The following JMJD1C variants were observed in gnomAD, a reference collection of about 807,000 sequenced individuals.
The protein encoded by JMJD1C is jumonji domain-containing protein 1C.
In JMJD1C, 31 loss-of-function variants were observed where a neutral mutation model predicts 245.3. The observed-to-expected ratio is 0.13, with a 90% CI of 0.09 to 0.17. JMJD1C has a LOEUF of 0.17. JMJD1C is among the 10% of genes least tolerant of loss of function. JMJD1C has a pLI of 1.00. For synonymous variants in JMJD1C, 1,057 were observed against 1,017.4 expected (o/e 1.04, Z -0.74); for missense variants, 2,691 against 3,000.2 (o/e 0.90, Z 2.41).
At chr10:63,373,838 A>C (rs1352190746) in intron 2 of JMJD1C, among the ~76,000 whole-genome samples, 1 of 152,214 alleles carries the variant, frequency 6.6e-6, no homozygotes, top group Non-Finnish European at 1.5e-5. Context: ...AAGAAGCCAA[A>C]TTTTAATGAA....
At chr10:63,461,496 G>T (rs1952797315) in intron 1 of JMJD1C, among the ~76,000 whole-genome samples, 1 of 151,734 alleles carries the variant, frequency 6.6e-6, no homozygotes, top group Admixed American at 6.6e-5. Flanking sequence ...AACAAAAAGG[G>T]GTTTTATTTA....
chr10:63,481,055 T>G (rs1953816029), intron 1 of JMJD1C, among the ~76,000 whole-genome samples: 1 of 152,230 alleles, frequency 6.6e-6, no homozygotes, highest in South Asian at 2.1e-4. Context: ...ATTATAAAAT[T>G]AGGCTAATCA....
chr10:63,384,058 G>A (rs1947409590), intron 1 of JMJD1C, among the ~76,000 whole-genome samples: 1 of 152,178 alleles, frequency 6.6e-6, no homozygotes, highest in Admixed American at 6.5e-5. Context: ...CAACGGTTAA[G>A]TAGTATTCAG....
chr10:63,365,627 A>C (rs1186056338), intron 2 of JMJD1C, among the ~76,000 whole-genome samples: 1 of 152,188 alleles, frequency 6.6e-6, no homozygotes, highest in Non-Finnish European at 1.5e-5. Flanking sequence ...TATTATGCTA[A>C]AGATGGACTA....
intron 3 of JMJD1C, among the ~76,000 whole-genome samples, chr10:63,220,536 C>T (rs1387819780): frequency 1.3e-5 from 2 of 152,214 alleles, no homozygotes; most frequent in East Asian, 3.8e-4. Context: ...AGCGCCAAAG[C>T]ATCCAGACAA....
chr10:63,248,529 G>GATAGATAGATTAAATAAATAA (rs566828473), intron 3 of JMJD1C, among the ~76,000 whole-genome samples: 7 of 137,010 alleles, frequency 5.1e-5, no homozygotes, highest in Admixed American at 4.5e-4. Flanking sequence ...TCAATAGATA[G>GATAGATAGATTAAATAAATAA]ATAAATAAAT....
intron 1 of JMJD1C, among the ~76,000 whole-genome samples, chr10:63,411,513 G>A (rs1949476468): frequency 6.6e-6 from 1 of 151,802 alleles, no homozygotes; most frequent in South Asian, 2.1e-4. Context: ...TGGTCAGGCT[G>A]GTCTCGAACT....
At chr10:63,457,710 G>C (rs1394300446) in intron 1 of JMJD1C, among the ~76,000 whole-genome samples, 1 of 152,158 alleles carries the variant, frequency 6.6e-6, no homozygotes, top group African/African-American at 2.4e-5. Context: ...GGGAATTTCG[G>C]GTTTTTACTT....
intron 2 of JMJD1C, among the ~76,000 whole-genome samples, chr10:63,352,793 G>A (rs947561261): frequency 6.6e-6 from 1 of 152,142 alleles, no homozygotes; most frequent in African/African-American, 2.4e-5. Flanking sequence ...AATAGAACAT[G>A]GATCAAAAAT....
At chr10:63,203,497 G>A in intron 10 of JMJD1C, 1 of 982,868 alleles carries the variant, frequency 1.0e-6, no homozygotes, top group Non-Finnish European at 1.2e-6. Context: ...ATATTTTTTT[G>A]GAGATAGAGA....
chr10:63,429,741 A>C (rs1005026259), intron 1 of JMJD1C, among the ~76,000 whole-genome samples: 6 of 152,340 alleles, frequency 3.9e-5, no homozygotes, highest in Middle Eastern at 3.4e-3. Flanking sequence ...CAAAAAGAAG[A>C]ATCATCACTA....
At chr10:63,390,631 A>G (rs1038578508) in intron 1 of JMJD1C, among the ~76,000 whole-genome samples, 5 of 152,208 alleles carry the variant, frequency 3.3e-5, no homozygotes, top group Non-Finnish European at 7.3e-5. Context: ...GAACATACAT[A>G]CAAAAATTCT....
At chr10:63,225,590 C>T (rs1849166879) in intron 3 of JMJD1C, among the ~76,000 whole-genome samples, 1 of 152,032 alleles carries the variant, frequency 6.6e-6, no homozygotes, top group Non-Finnish European at 1.5e-5. Flanking sequence ...TCGACCTGGC[C>T]AACATGGTGA....
intron 3 of JMJD1C, among the ~76,000 whole-genome samples, chr10:63,233,427 TAAC>T (rs1423407420): frequency 1.3e-5 from 2 of 152,058 alleles, no homozygotes; most frequent in Non-Finnish European, 2.9e-5. Context: ...ACTTCATGTC[TAAC>T]AACACCCAAA....
At chr10:63,168,267 G>T in intron 25 of JMJD1C, 133 bp from the exon 26 acceptor site, 4 of 987,378 alleles carry the variant, frequency 4.1e-6, no homozygotes, top group South Asian at 3.2e-5. Context: ...AAAGTGTTAA[G>T]CCAAAAGGGA....
intron 1 of JMJD1C, among the ~76,000 whole-genome samples, chr10:63,443,145 T>C (rs1028625491): frequency 5.3e-5 from 8 of 152,114 alleles, no homozygotes; most frequent in African/African-American, 1.9e-4. Context: ...ATTTTCTTAC[T>C]AGATTATTAT....
At chr10:63,421,265 C>A (rs1015367699) in intron 1 of JMJD1C, among the ~76,000 whole-genome samples, 1 of 152,016 alleles carries the variant, frequency 6.6e-6, no homozygotes, top group Non-Finnish European at 1.5e-5. Flanking sequence ...ATCCGGGAGG[C>A]GGAGGTTGAG....
rs1345133310 is a variant in JMJD1C at position 63,167,857 on chromosome 10, A to G, written c.*188T>C. ...CTGCTTTTAAAATTCTGCTTGTTTT[A>G]TAACATTGAATCACAGGAGCTGTGA... On this transcript the variant is annotated 3_prime_UTR_variant, in exon 26 of 26. Coordinates refer to ENST00000399262, the MANE Select transcript of JMJD1C (RefSeq NM_032776.3). The G allele has an allele frequency of 5.9e-6, 3 of 504,482 alleles. No individual in the cohort carries two copies. Among genetic ancestry groups the G allele is most frequent in the Admixed American group, 3.4e-5 (1 of 29,698 alleles). The allele number at this position is 504,482 out of a possible 1,614,324, so 31.3% of individuals were successfully genotyped here. A position where few individuals can be genotyped will look rare whatever the true frequency, so the allele number is the denominator to read the frequency against.
At chr10:63,278,570 T>A (rs1380468940) in intron 2 of JMJD1C, among the ~76,000 whole-genome samples, 1 of 150,824 alleles carries the variant, frequency 6.6e-6, no homozygotes, top group Admixed American at 6.6e-5. Context: ...AAAAAAAGAG[T>A]ACTGATTAGT....
Sources: allele counts gnomAD v4.1 joint callset (sites outside exome capture counted in the v4.1 genomes callset), GRCh38; gene constraint gnomAD v4.1.1; transcripts MANE v1.5; gene names NCBI Gene and HGNC (gene_info 2026-07-23, HGNC 2026-07-21).